Variants in PCDH11X observed in about 807,000 individuals in gnomAD.
The protein encoded by PCDH11X is protocadherin 11 X-linked, also known as protocadherin-11 X-linked.
PCDH11X carries 18 observed loss-of-function variants against 53.3 expected under a neutral mutation model. The observed-to-expected ratio is 0.34, with a 90% CI of 0.23 to 0.50. The LOEUF is 0.50. Among genes scored for constraint, PCDH11X ranks in the 20% least tolerant of loss-of-function variants. The probability of loss-of-function intolerance (pLI) is 0.98; values close to 1 mark genes in which losing one functional copy is unlikely to be tolerated. For synonymous variants in PCDH11X, 279 were observed against 393.3 expected (o/e 0.71, Z 3.44); for missense variants, 570 against 1,032.4 (o/e 0.55, Z 6.14).
At chrX:91,879,554 A>C in intron 6 of PCDH11X, 4 of 1,069,037 alleles carry the variant, frequency 3.7e-6, no homozygotes, top group Non-Finnish European at 4.8e-6. Flanking sequence ...TATATTGAAA[A>C]AAACTTCAAC....
chrX:92,119,116 G>C (rs1198008837), intron 6 of PCDH11X, among the ~76,000 whole-genome samples: 2 of 108,005 alleles, frequency 1.9e-5, no homozygotes, highest in African/African-American at 6.8e-5. Context: ...TAATTTATTT[G>C]GTTTTTTTTG....
At chrX:91,910,693 G>C (rs540696424) in intron 6 of PCDH11X, among the ~76,000 whole-genome samples, 1 of 111,410 alleles carries the variant, frequency 9.0e-6, no homozygotes, top group African/African-American at 3.3e-5. Context: ...AATTTGGAAA[G>C]ATTTTTATAT....
rs189449253 is a variant in PCDH11X, at chrX:92,569,015, C to T, written c.3368-49249C>T. 2.8e-3 allele frequency among the ~76,000 whole-genome samples: 309 copies of T among 111,422 alleles called. 1 individual carries two copies. Among genetic ancestry groups the T allele is most frequent in the Middle Eastern group, 9.4e-3 (2 of 213 alleles). ...TCCCTCAACTTTGCTCGGGAATCTT[C>T]ACTAATTAAAATTTATATTTCTGGT... On this transcript the variant is annotated intron_variant, in intron 10 of 10. Coordinates refer to ENST00000682573, the MANE Select transcript of PCDH11X (RefSeq NM_032968.5).
chrX:92,210,583 A>T (rs1380400923), intron 7 of PCDH11X, among the ~76,000 whole-genome samples: 1 of 110,647 alleles, frequency 9.0e-6, no homozygotes, highest in African/African-American at 3.3e-5. Flanking sequence ...TGGGCTGCAA[A>T]TTTTTCAAAC....
At chrX:91,995,221 A>C (rs1445231515) in intron 6 of PCDH11X, among the ~76,000 whole-genome samples, 2 of 107,705 alleles carry the variant, frequency 1.9e-5, no homozygotes, top group African/African-American at 3.5e-5. Context: ...ACGTTAAAAA[A>C]AAAAAAACAA....
chrX:92,530,903 AT>A (rs201861643), intron 10 of PCDH11X, among the ~76,000 whole-genome samples: 14 of 107,011 alleles, frequency 1.3e-4, no homozygotes, highest in African/African-American at 4.7e-4. Context: ...ATAGAATGCA[AT>A]TTTTTTTATA....
chrX:91,963,644 T>C (rs766932046), intron 6 of PCDH11X, among the ~76,000 whole-genome samples: 68 of 111,365 alleles, frequency 6.1e-4, no homozygotes, highest in African/African-American at 2.1e-3. Flanking sequence ...GCTTCCACAT[T>C]TTCAGTTATT....
At chrX:91,883,172 A>G in intron 6 of PCDH11X, 1 of 952,784 alleles carries the variant, frequency 1.0e-6, no homozygotes, top group Non-Finnish European at 1.3e-6. Flanking sequence ...CAGCACAATA[A>G]CAGAGTACTC....
chrX:92,399,382 G>A (rs540351186), intron 9 of PCDH11X, among the ~76,000 whole-genome samples: 1 of 110,073 alleles, frequency 9.1e-6, no homozygotes, highest in South Asian at 4.0e-4. Flanking sequence ...TACACTTTGG[G>A]TAGCAAAGTT....
intron 8 of PCDH11X, among the ~76,000 whole-genome samples, chrX:92,277,233 A>G (rs1042286069): frequency 4.5e-5 from 5 of 110,617 alleles, no homozygotes; most frequent in African/African-American, 1.3e-4. Flanking sequence ...GAGACTAGGA[A>G]GGGACTGATG....
chrX:92,495,658 G>A (rs1298052808), intron 10 of PCDH11X, among the ~76,000 whole-genome samples: 18 of 109,206 alleles, frequency 1.6e-4, no homozygotes, highest in African/African-American at 5.1e-4. Flanking sequence ...AGATATACCC[G>A]AGACTGGGAA....
intron 10 of PCDH11X, among the ~76,000 whole-genome samples, chrX:92,487,292 T>A (rs2073664821): frequency 9.2e-6 from 1 of 109,179 alleles, no homozygotes; most frequent in Non-Finnish European, 1.9e-5. Context: ...TGCTTTCTAC[T>A]TTTTTGTTTA....
At chrX:92,273,504 C>A (rs907148169) in intron 8 of PCDH11X, among the ~76,000 whole-genome samples, 5 of 110,979 alleles carry the variant, frequency 4.5e-5, no homozygotes, top group African/African-American at 1.6e-4. Flanking sequence ...GGCTTGGGCT[C>A]AGAGGCCTGA....
At chrX:92,484,414 G>A (rs1277607791) in intron 10 of PCDH11X, among the ~76,000 whole-genome samples, 2 of 103,618 alleles carry the variant, frequency 1.9e-5, no homozygotes, top group Non-Finnish European at 2.0e-5. Context: ...ATTCCCTTCA[G>A]CAGTGTAAAA....
intron 6 of PCDH11X, among the ~76,000 whole-genome samples, chrX:92,196,537 G>A (rs186189169): frequency 3.5e-4 from 39 of 111,144 alleles, no homozygotes; most frequent in African/African-American, 1.2e-3. Context: ...AATAATTAAT[G>A]TCTGCCTTAC....
At chrX:92,597,025 C>G (rs778403212) in intron 10 of PCDH11X, among the ~76,000 whole-genome samples, 2 of 111,201 alleles carry the variant, frequency 1.8e-5, no homozygotes, top group East Asian at 5.7e-4. Flanking sequence ...ACTGAACACA[C>G]TACAACATAA....
At chrX:92,341,817 C>A (rs2069767827) in intron 8 of PCDH11X, among the ~76,000 whole-genome samples, 2 of 111,722 alleles carry the variant, frequency 1.8e-5, no homozygotes, top group African/African-American at 6.5e-5. Context: ...ATATCACAAC[C>A]AAAACCAAAA....
chrX:92,040,533 A>G (rs969810663), intron 6 of PCDH11X, among the ~76,000 whole-genome samples: 2 of 111,788 alleles, frequency 1.8e-5, no homozygotes, highest in Non-Finnish European at 3.8e-5. Flanking sequence ...CTCTCCTTGC[A>G]TACAGCCACT....
chrX:92,272,751 G>C (rs893797056), intron 8 of PCDH11X, among the ~76,000 whole-genome samples: 1 of 112,199 alleles, frequency 8.9e-6, no homozygotes, highest in African/African-American at 3.2e-5. Flanking sequence ...AATGGTTTCT[G>C]TGTGTCAAAT....
Sources: allele counts gnomAD v4.1 joint callset (sites outside exome capture counted in the v4.1 genomes callset), GRCh38; gene constraint gnomAD v4.1.1; transcripts MANE v1.5; gene names NCBI Gene and HGNC (gene_info 2026-07-23, HGNC 2026-07-21).